Variants in EPS15 observed in about 807,000 individuals in gnomAD.
EPS15 encodes epidermal growth factor receptor pathway substrate 15.
Under a neutral mutation model 113.8 loss-of-function variants are expected in EPS15, and 72 were observed. That is an observed-to-expected ratio of 0.63 (90% CI 0.52 to 0.77). The LOEUF (loss-of-function observed/expected upper bound fraction) is 0.77, where lower values mean the gene tolerates loss of function less well. Among genes scored for constraint, EPS15 ranks in the 30% least tolerant of loss-of-function variants. The pLI, the probability that EPS15 is intolerant of heterozygous loss-of-function variation, is 0.00. For synonymous variants in EPS15, 344 were observed against 363.4 expected (o/e 0.95, Z 0.61); for missense variants, 1,048 against 1,045.8 (o/e 1.00, Z -0.03).
At chr1:51,510,729 T>C (rs1177331255) in intron 1 of EPS15, among the ~76,000 whole-genome samples, 1 of 152,240 alleles carries the variant, frequency 6.6e-6, no homozygotes, top group Non-Finnish European at 1.5e-5. Flanking sequence ...CCTTCTCATT[T>C]AAGTTTTTTA....
At chr1:51,488,472 T>TAAAAAAAAAAAAAAAAA (rs71063033) in intron 1 of EPS15, among the ~76,000 whole-genome samples, 9 of 85,302 alleles carry the variant, frequency 1.1e-4, no homozygotes, top group Non-Finnish European at 1.4e-4. Flanking sequence ...TAAAGTTTTG[T>TAAAAAAAAAAAAAAAAA]AAAAAAAAAA....
intron 1 of EPS15, among the ~76,000 whole-genome samples, chr1:51,492,723 A>C (rs72691885): frequency 0.023 from 3,438 of 152,166 alleles, 60 homozygotes; most frequent in Non-Finnish European, 0.031. Flanking sequence ...AACAAACAAA[A>C]AAAACAGATC....
intron 23 of EPS15, 142 bp downstream of exon 23, chr1:51,363,724 C>A (rs1054927656): frequency 1.0e-4 from 62 of 621,992 alleles, no homozygotes; most frequent in Middle Eastern, 2.6e-4. Flanking sequence ...GCAGTTAGGT[C>A]AGAATGAATG....
intron 12 of EPS15, chr1:51,423,223 T>G (rs1650929299): frequency 7.8e-7 from 1 of 1,288,804 alleles, no homozygotes; most frequent in Admixed American, 2.3e-5. Context: ...GTCAGATGGG[T>G]CGCAATGTGG....
chr1:51,440,830 G>A (rs1330251298), intron 11 of EPS15, among the ~76,000 whole-genome samples: 3 of 152,030 alleles, frequency 2.0e-5, no homozygotes, highest in African/African-American at 7.2e-5. Context: ...GTATAAACTG[G>A]CTGAGAGTAA....
intron 1 of EPS15, among the ~76,000 whole-genome samples, chr1:51,516,505 C>CA (rs2148573212): frequency 6.6e-6 from 1 of 152,298 alleles, no homozygotes; most frequent in African/African-American, 2.4e-5. Flanking sequence ...GGTACTCTAG[C>CA]ATTCTATCAT....
chr1:51,493,577 T>A lies in EPS15; in HGVS notation c.34-12263A>T, dbSNP rs572101279. On this transcript the variant is annotated intron_variant, in intron 1 of 24. Transcript: ENST00000371733. ...ATAAATAAATAAATAAATAAATAAATAAAAATAAAGCTCTATTCTTTTGAG... is the reference window on the plus strand; with the variant it reads ...ATAAATAAATAAATAAATAAATAAAAAAAAATAAAGCTCTATTCTTTTGAG... Among the ~76,000 whole-genome samples, 744 of 133,074 alleles carry A rather than the reference T, an allele frequency of 5.6e-3. 3 individuals are homozygous for A. Among genetic ancestry groups the A allele is most frequent in the South Asian group, 0.013 (54 of 4,092 alleles). The allele number at this position is 133,074 out of a possible 152,430, so 87.3% of individuals were successfully genotyped here.
At chr1:51,443,828 T>C (rs1652803785) in intron 11 of EPS15, among the ~76,000 whole-genome samples, 1 of 152,028 alleles carries the variant, frequency 6.6e-6, no homozygotes, top group Admixed American at 6.6e-5. Flanking sequence ...AATTTTTTTG[T>C]TTTTGTTTTG....
chr1:51,474,840 A>G (rs1387350102), intron 2 of EPS15, among the ~76,000 whole-genome samples: 1 of 72,662 alleles, frequency 1.4e-5, no homozygotes, highest in Non-Finnish European at 2.7e-5. Context: ...CCTCCCCCCA[A>G]CCCACAAAAG....
intron 21 of EPS15, among the ~76,000 whole-genome samples, chr1:51,366,458 T>C (rs1302115256): frequency 6.6e-6 from 1 of 152,230 alleles, no homozygotes; most frequent in African/African-American, 2.4e-5. Context: ...AATTTATGAC[T>C]GACACCCACA....
At chr1:51,512,536 A>T (rs1350723646) in intron 1 of EPS15, among the ~76,000 whole-genome samples, 1 of 152,190 alleles carries the variant, frequency 6.6e-6, no homozygotes, top group Non-Finnish European at 1.5e-5. Flanking sequence ...TTTTGCAAAG[A>T]AGGGCAAATT....
chr1:51,357,404 ATATATATATATATATATATATATT>A (rs1157360404), intron 24 of EPS15, among the ~76,000 whole-genome samples: 6 of 52,570 alleles, frequency 1.1e-4, no homozygotes, highest in Non-Finnish European at 1.7e-4. Flanking sequence ...ATATATATAT[ATATATATATATATATATATATATT>A]TTTTTTTTTT....
Position 51,402,532 on chromosome 1 carries a change from A to G in EPS15, c.1792-7T>C, listed in dbSNP as rs1166059134. ...CTACATTAAATGGATCTTCCTAAAA[A>G]TAATTTTAAATTAAAATTATTTTTT... On this transcript the variant is annotated splice_polypyrimidine_tract_variant and splice_region_variant and intron_variant, in intron 17 of 24. Coordinates refer to ENST00000371733, the MANE Select transcript of EPS15 (RefSeq NM_001981.3). The G allele has an allele frequency of 7.2e-7, 1 of 1,394,946 alleles. No homozygotes were observed. The highest frequency in any genetic ancestry group is 2.3e-4 in the Middle Eastern group (1 of 4,392). 86.4% of individuals were successfully genotyped at this position (1,394,946 alleles called of 1,614,324 possible). A position where few individuals can be genotyped will look rare whatever the true frequency, so the allele number is the denominator to read the frequency against.
At chr1:51,454,049 CAAAAAAAAAAAA>C (rs376428827) in intron 8 of EPS15, among the ~76,000 whole-genome samples, 5 of 88,222 alleles carry the variant, frequency 5.7e-5, no homozygotes, top group African/African-American at 1.5e-4. Flanking sequence ...GACTTTGTTT[CAAAAAAAAAAAA>C]AAAAAAAAAA....
chr1:51,510,133 C>T (rs1405323875), intron 1 of EPS15, among the ~76,000 whole-genome samples: 3 of 152,294 alleles, frequency 2.0e-5, no homozygotes, highest in African/African-American at 7.2e-5. Flanking sequence ...GCACATGACA[C>T]GTAAGTGTGC....
chr1:51,512,103 A>G (rs1324666), intron 1 of EPS15, among the ~76,000 whole-genome samples: 3,593 of 152,260 alleles, frequency 0.024, 135 homozygotes, highest in African/African-American at 0.083. Flanking sequence ...AATATTCAGA[A>G]GTTCACATTT....
At chr1:51,401,876 C>G (rs900448619) in intron 18 of EPS15, among the ~76,000 whole-genome samples, 1 of 152,148 alleles carries the variant, frequency 6.6e-6, no homozygotes, top group African/African-American at 2.4e-5. Context: ...CGGTGGCTCA[C>G]GCCTGTAATC....
At chr1:51,518,453 C>T (rs1023595333) in intron 1 of EPS15, 4 of 152,620 alleles carry the variant, frequency 2.6e-5, no homozygotes, top group Admixed American at 2.6e-4. Context: ...AGGCGTGAGC[C>T]CCCCGAGGGG....
At chr1:51,368,176 T>A (rs1278589079) in intron 21 of EPS15, among the ~76,000 whole-genome samples, 1 of 152,086 alleles carries the variant, frequency 6.6e-6, no homozygotes, top group Admixed American at 6.6e-5. Context: ...ATCCTCAAAC[T>A]ATTCTTAGAA....
Sources: gnomAD v4.1 joint callset for allele counts (sites outside exome capture counted in the v4.1 genomes callset) on GRCh38, gnomAD v4.1.1 for gene constraint, MANE v1.5 for transcripts, NCBI Gene and HGNC (gene_info 2026-07-23, HGNC 2026-07-21) for gene names.